Variants in ARHGEF26 observed in about 807,000 individuals in gnomAD.
The protein encoded by ARHGEF26 is Rho guanine nucleotide exchange factor 26.
In ARHGEF26, 59 loss-of-function variants were observed where a neutral mutation model predicts 89.4. The observed-to-expected ratio is 0.66, with a 90% CI of 0.54 to 0.82. ARHGEF26 has a LOEUF of 0.82. Ranked by LOEUF, ARHGEF26 falls within the 40% of genes least tolerant of loss-of-function variation. The probability of loss-of-function intolerance (pLI) is 0.00; values close to 1 mark genes in which losing one functional copy is unlikely to be tolerated. For synonymous variants in ARHGEF26, 500 were observed against 428.4 expected (o/e 1.17, Z -2.06); for missense variants, 1,234 against 1,085.6 (o/e 1.14, Z -1.92).
intron 6 of ARHGEF26, among the ~76,000 whole-genome samples, chr3:154,154,563 T>C (rs1720214947): frequency 2.4e-5 from 2 of 84,064 alleles, no homozygotes; most frequent in Admixed American, 2.2e-4. Context: ...TCTATCCTAT[T>C]CTCTTCCCAT....
In ARHGEF26 at chr3:154,255,312, A is replaced by T. The variant is rs774401245; in HGVS notation, c.2474-19A>T. 1 of 1,607,896 alleles carries T rather than the reference A, an allele frequency of 6.2e-7. No homozygotes were observed. Among genetic ancestry groups the T allele is most frequent in the African/African-American group, 1.3e-5 (1 of 74,562 alleles). On this transcript the variant is annotated intron_variant, in intron 14 of 14. Coordinates refer to ENST00000465093, the MANE Select transcript of ARHGEF26 (RefSeq NM_015595.4). ...TCCAAATACTTGTTGTTTGGTGTGG[A>T]CTCTGTTCTTTTTCACAGGCTGGTA...
chr3:154,148,480 A>G (rs1476244830), intron 4 of ARHGEF26, among the ~76,000 whole-genome samples: 1 of 152,228 alleles, frequency 6.6e-6, no homozygotes, highest in Non-Finnish European at 1.5e-5. Context: ...CTCTTTTGAT[A>G]GGACAAAGTA....
chr3:154,155,750 A>G (rs201990301), intron 6 of ARHGEF26, among the ~76,000 whole-genome samples: 1 of 18,674 alleles, frequency 5.4e-5, no homozygotes, highest in African/African-American at 1.0e-4. Context: ...GAGAAATAAC[A>G]AAAGTATAAT....
At chr3:154,124,259 C>A in intron 2 of ARHGEF26, 151 bp from the exon 3 acceptor site, 1 of 606,318 alleles carries the variant, frequency 1.6e-6, no homozygotes. Flanking sequence ...TCCTCCAGGG[C>A]TCAGCTTCTG....
At chr3:154,153,845 CT>C (rs530873525) in intron 6 of ARHGEF26, among the ~76,000 whole-genome samples, 172 of 151,886 alleles carry the variant, frequency 1.1e-3, no homozygotes, top group African/African-American at 4.1e-3. Flanking sequence ...CTGCTCCTTA[CT>C]TTTTTTTACC....
intron 6 of ARHGEF26, among the ~76,000 whole-genome samples, chr3:154,158,395 A>G (rs1281574820): frequency 6.6e-6 from 1 of 152,128 alleles, no homozygotes; most frequent in Non-Finnish European, 1.5e-5. Flanking sequence ...AACCCTCCTT[A>G]AAAGGAGTAT....
Position 154,256,961 on chromosome 3 carries a change from T to C in ARHGEF26, c.*1488T>C. 9 of 1,532,344 alleles carry C rather than the reference T, an allele frequency of 5.9e-6. No individual in the cohort carries two copies. Among genetic ancestry groups the C allele is most frequent in the Non-Finnish European group, 7.9e-6 (9 of 1,145,486 alleles). The allele number at this position is 1,532,344 out of a possible 1,614,324, so 94.9% of individuals were successfully genotyped here. On this transcript the variant is annotated 3_prime_UTR_variant, in exon 15 of 15. Coordinates refer to ENST00000465093, the MANE Select transcript of ARHGEF26 (RefSeq NM_015595.4). ...GGGAAATGATTTTTACTGGCAGCTA[T>C]ATTCCCTCTCTGTTCTATTTGCTTT...
At chr3:154,168,351 T>C (rs1712185828) in intron 6 of ARHGEF26, among the ~76,000 whole-genome samples, 1 of 151,858 alleles carries the variant, frequency 6.6e-6, no homozygotes, top group Non-Finnish European at 1.5e-5. Context: ...TGGGGGTGGG[T>C]GGATTGCTTG....
chr3:154,154,383 C>A (rs1033346943), intron 6 of ARHGEF26, among the ~76,000 whole-genome samples: 2 of 151,688 alleles, frequency 1.3e-5, no homozygotes, highest in East Asian at 3.9e-4. Flanking sequence ...CAGTAGATAC[C>A]CAGAAAAAAA....
intron 4 of ARHGEF26, 126 bp downstream of exon 4, chr3:154,129,845 T>C: frequency 8.8e-7 from 1 of 1,138,262 alleles, no homozygotes; most frequent in Non-Finnish European, 1.2e-6. Flanking sequence ...TCTTTTTAGA[T>C]TGTGAAATGT....
At chr3:154,159,660 C>T (rs1406789680) in intron 6 of ARHGEF26, among the ~76,000 whole-genome samples, 1 of 151,958 alleles carries the variant, frequency 6.6e-6, no homozygotes, top group African/African-American at 2.4e-5. Flanking sequence ...GTTCATATTA[C>T]CAAAAAATGA....
At chr3:154,208,306 C>T (rs1179849212) in intron 9 of ARHGEF26, among the ~76,000 whole-genome samples, 3 of 152,164 alleles carry the variant, frequency 2.0e-5, no homozygotes, top group Non-Finnish European at 2.9e-5. Context: ...GCCTTGGTCC[C>T]TCAAAGTACT....
In ARHGEF26 at chr3:154,245,288, A is replaced by G. The variant is rs538990965; in HGVS notation, c.2300+4709A>G. The stretch of plus-strand genomic sequence containing the variant: ...AAGTGATTTGCCTGCCTCAGCTTCC[A>G]AAAGTGCCAGGATTACAGGCGTGAG... On this transcript the variant is annotated intron_variant, in intron 12 of 14. Transcript: ENST00000465093. Among the ~76,000 whole-genome samples the G allele has an allele frequency of 3.3e-5, 5 of 152,260 alleles. No individual in the cohort carries two copies. In the East Asian group the frequency reaches 9.7e-4, roughly 29 times the overall value.
At chr3:154,253,055 A>AT in intron 12 of ARHGEF26, 61 bp from the exon 13 acceptor site, 1 of 1,593,786 alleles carries the variant, frequency 6.3e-7, no homozygotes, top group South Asian at 1.1e-5. Flanking sequence ...CTGCCTAGAA[A>AT]ACACTCCATT....
At chr3:154,243,759 A>G (rs913260803) in intron 12 of ARHGEF26, among the ~76,000 whole-genome samples, 4 of 105,184 alleles carry the variant, frequency 3.8e-5, no homozygotes, top group South Asian at 3.3e-4. Flanking sequence ...CCCACCCTCA[A>G]TTACAGTTGA....
intron 6 of ARHGEF26, among the ~76,000 whole-genome samples, chr3:154,186,886 C>CTTTTTTTTTTATTTTTTTTTTTTTT (rs1713587627): frequency 1.2e-5 from 1 of 82,042 alleles, no homozygotes; most frequent in African/African-American, 4.7e-5. Context: ...TTATTTCAGA[C>CTTTTTTTTTTATTTTTTTTTTTTTT]TTTTTTTTTT....
intron 4 of ARHGEF26, among the ~76,000 whole-genome samples, chr3:154,134,601 A>T (rs745576647): frequency 6.6e-6 from 1 of 152,078 alleles, no homozygotes; most frequent in African/African-American, 2.4e-5. Context: ...CAGACAAACC[A>T]TATCAACTAT....
Position 154,183,238 on chromosome 3 carries a change from C to T in ARHGEF26, c.1488-4447C>T, listed in dbSNP as rs1004916422. On this transcript the variant is annotated intron_variant, in intron 6 of 14. Coordinates refer to ENST00000465093, the MANE Select transcript of ARHGEF26 (RefSeq NM_015595.4). ...CTGGTTAGGAGGGAATGTTTCTAGG[C>T]AGCTTTTCCTGGTCCACAGAAGGTT... Among the ~76,000 whole-genome samples, 11 of 152,064 alleles carry T rather than the reference C, an allele frequency of 7.2e-5. No individual in the cohort carries two copies. In the South Asian group the frequency reaches 2.3e-3, roughly 32 times the overall value.
chr3:154,196,391 T>C (rs949699649), intron 9 of ARHGEF26, among the ~76,000 whole-genome samples: 1 of 152,264 alleles, frequency 6.6e-6, no homozygotes, highest in Non-Finnish European at 1.5e-5. Flanking sequence ...GGAGCAAAGA[T>C]AATGGTAGCA....
Sources: gnomAD v4.1 joint callset for allele counts (sites outside exome capture counted in the v4.1 genomes callset) on GRCh38, gnomAD v4.1.1 for gene constraint, MANE v1.5 for transcripts, NCBI Gene and HGNC (gene_info 2026-07-23, HGNC 2026-07-21) for gene names.